Variants in GRM5 observed in about 807,000 individuals in gnomAD.
GRM5 encodes the protein metabotropic glutamate receptor 5.
Under a neutral mutation model 83.1 loss-of-function variants are expected in GRM5, and 19 were observed. That is an observed-to-expected ratio of 0.23 (90% CI 0.16 to 0.34). The LOEUF is 0.34. Ranked by LOEUF, GRM5 falls within the 10% of genes least tolerant of loss-of-function variation. The pLI is 1.00. For missense variants in GRM5, 1,160 were observed against 1,588.3 expected, an observed-to-expected ratio of 0.73 and a Z score of 4.58; for synonymous variants, 675 against 633.6, an observed-to-expected ratio of 1.07 and a Z score of -0.98.
intron 3 of GRM5, among the ~76,000 whole-genome samples, chr11:88,682,866 C>G (rs951454083): frequency 6.6e-6 from 1 of 151,026 alleles, no homozygotes; most frequent in Non-Finnish European, 1.5e-5. Flanking sequence ...TTCTTTTTTT[C>G]TTTGTATTTC....
intron 7 of GRM5, among the ~76,000 whole-genome samples, chr11:88,576,764 T>G (rs1302095694): frequency 6.6e-6 from 1 of 152,158 alleles, no homozygotes; most frequent in Non-Finnish European, 1.5e-5. Context: ...TTAAAGTTGT[T>G]TTTGTATTTT....
intron 3 of GRM5, among the ~76,000 whole-genome samples, chr11:88,724,032 C>A (rs577257551): frequency 2.0e-5 from 3 of 152,192 alleles, no homozygotes; most frequent in East Asian, 3.9e-4. Flanking sequence ...AAATGAAAAT[C>A]CAAATTTAAA....
At chr11:88,895,462 T>C (rs1945214835) in intron 2 of GRM5, among the ~76,000 whole-genome samples, 1 of 151,952 alleles carries the variant, frequency 6.6e-6, no homozygotes, top group African/African-American at 2.4e-5. Flanking sequence ...ACCATGATCA[T>C]ATCTTAAACC....
At chr11:88,681,241 CTCTT>C (rs1277737543) in intron 3 of GRM5, among the ~76,000 whole-genome samples, 1 of 152,064 alleles carries the variant, frequency 6.6e-6, no homozygotes, top group Non-Finnish European at 1.5e-5. Context: ...TTATATTTCT[CTCTT>C]TCTGTTTACT....
intron 2 of GRM5, among the ~76,000 whole-genome samples, chr11:88,942,793 T>C (rs1007119544): frequency 8.6e-5 from 13 of 152,016 alleles, no homozygotes; most frequent in African/African-American, 1.9e-4. Flanking sequence ...TTGAGTTGAA[T>C]TGATTTTAAC....
chr11:88,929,921 A>T (rs1323421903), intron 2 of GRM5, among the ~76,000 whole-genome samples: 1 of 152,120 alleles, frequency 6.6e-6, no homozygotes, highest in Non-Finnish European at 1.5e-5. Flanking sequence ...CTGTTTCCCA[A>T]GTTTGCTTTA....
intron 3 of GRM5, among the ~76,000 whole-genome samples, chr11:88,770,893 C>A (rs768496074): frequency 1.3e-5 from 2 of 152,048 alleles, no homozygotes; most frequent in Non-Finnish European, 2.9e-5. Context: ...TGTCACTTAG[C>A]GTCAGAATGG....
At chr11:88,962,074 A>C (rs1026990122) in intron 2 of GRM5, among the ~76,000 whole-genome samples, 3 of 152,244 alleles carry the variant, frequency 2.0e-5, no homozygotes, top group Non-Finnish European at 2.9e-5. Context: ...ACTGAGATGC[A>C]TAAGTAGTGC....
intron 2 of GRM5, among the ~76,000 whole-genome samples, chr11:88,871,687 C>T (rs962868139): frequency 6.6e-6 from 1 of 151,404 alleles, no homozygotes; most frequent in African/African-American, 2.4e-5. Context: ...GCAAGGAAGA[C>T]CCTAGCATAT....
At chr11:88,774,871 A>G (rs1221302489) in intron 3 of GRM5, among the ~76,000 whole-genome samples, 2 of 152,190 alleles carry the variant, frequency 1.3e-5, no homozygotes, top group African/African-American at 2.4e-5. Flanking sequence ...GGATTTTTGC[A>G]TTGATGTTCA....
intron 2 of GRM5, among the ~76,000 whole-genome samples, chr11:88,956,672 G>A (rs866525241): frequency 5.1e-4 from 77 of 152,214 alleles, no homozygotes; most frequent in African/African-American, 1.8e-3. Flanking sequence ...CGGGCGCGGT[G>A]GCGGGGGCCT....
chr11:89,011,772 A>G (rs532638337), intron 2 of GRM5, among the ~76,000 whole-genome samples: 2 of 152,344 alleles, frequency 1.3e-5, no homozygotes, highest in South Asian at 2.1e-4. Context: ...TACATTGCAT[A>G]CATTATTTTA....
chr11:88,522,603 CTGTGTGTGTGTGTGTGTGTGTGTG>C (rs55777647), intron 9 of GRM5, among the ~76,000 whole-genome samples: 2 of 127,294 alleles, frequency 1.6e-5, no homozygotes, highest in African/African-American at 5.7e-5. Flanking sequence ...CTCTCTCTCT[CTGTGTGTGTGTGTGTGTGTGTGTG>C]TGTGTGTGTG....
intron 3 of GRM5, among the ~76,000 whole-genome samples, chr11:88,804,599 A>G (rs1314978187): frequency 6.6e-6 from 1 of 151,932 alleles, no homozygotes; most frequent in East Asian, 1.9e-4. Context: ...TGACGAGTTA[A>G]TGGGTGCAGC....
chr11:89,023,849 CTAAATAAATAAATAAATAAATAAATAAA>C (rs71946693), intron 2 of GRM5, among the ~76,000 whole-genome samples: 4 of 134,496 alleles, frequency 3.0e-5, no homozygotes, highest in African/African-American at 5.7e-5. Flanking sequence ...GACTTCATCT[CTAAATAAATAAATAAATAAATAAATAAA>C]TAAATAAATA....
chr11:88,973,633 T>A (rs1939235918), intron 2 of GRM5, among the ~76,000 whole-genome samples: 1 of 152,144 alleles, frequency 6.6e-6, no homozygotes, highest in South Asian at 2.1e-4. Context: ...CTGATTTCAA[T>A]CCAATGAGGC....
chr11:88,962,632 T>G (rs1468254026), intron 2 of GRM5, among the ~76,000 whole-genome samples: 2 of 152,192 alleles, frequency 1.3e-5, no homozygotes, highest in East Asian at 3.8e-4. Flanking sequence ...TTACCATTAT[T>G]AAGTATCTTC....
In GRM5 at chr11:88,506,427, A is replaced by G. The variant is rs1418091220; in HGVS notation, c.*2165T>C. 2.0e-5 allele frequency: 3 copies of G among 152,230 alleles called. No homozygotes were observed. The highest frequency in any genetic ancestry group is 4.4e-5 in the Non-Finnish European group (3 of 68,036). The allele number at this position is 152,230 out of a possible 1,614,324, so 9.4% of individuals were successfully genotyped here. A position where few individuals can be genotyped will look rare whatever the true frequency, so the allele number is the denominator to read the frequency against. ...AAGTCAAGATAGGAATCCTCAGGTG[A>G]ATGCCATCCTTTTGATGAGGATCCA... On this transcript the variant is annotated 3_prime_UTR_variant, in exon 10 of 10. Transcript: ENST00000305447.
chr11:88,919,476 G>A (rs2135625502), intron 2 of GRM5, among the ~76,000 whole-genome samples: 1 of 151,192 alleles, frequency 6.6e-6, no homozygotes. Context: ...CCCACTTGCA[G>A]GATTGGACAG....
Sources: allele counts gnomAD v4.1 joint callset (sites outside exome capture counted in the v4.1 genomes callset), GRCh38; gene constraint gnomAD v4.1.1; transcripts MANE v1.5; gene names NCBI Gene and HGNC (gene_info 2026-07-23, HGNC 2026-07-21).